CEP128: variants seen among roughly 807,000 people sequenced by gnomAD.
The protein encoded by CEP128 is centrosomal protein 128, also known as centrosomal protein 128kDa.
CEP128 carries 132 observed loss-of-function variants against 156.7 expected under a neutral mutation model. That is an observed-to-expected ratio of 0.84 (90% confidence interval 0.73 to 0.97). The LOEUF (loss-of-function observed/expected upper bound fraction) is 0.97. CEP128 is among the 50% of genes least tolerant of loss of function. CEP128 has a pLI of 0.00. For synonymous variants in CEP128, 469 were observed against 448.9 expected, an observed-to-expected ratio of 1.04 and a Z score of -0.57; for missense variants, 1,252 against 1,281.9, an observed-to-expected ratio of 0.98 and a Z score of 0.36.
chr14:80,853,911 G>C (rs747768308), intron 9 of CEP128, among the ~76,000 whole-genome samples: 2 of 151,758 alleles, frequency 1.3e-5, no homozygotes, highest in Non-Finnish European at 2.9e-5. Context: ...ATTCAAAAAT[G>C]ATGCTGAAGC....
At chr14:80,516,921 G>A (rs1888516855) in intron 23 of CEP128, among the ~76,000 whole-genome samples, 1 of 152,254 alleles carries the variant, frequency 6.6e-6, no homozygotes, top group South Asian at 2.1e-4. Context: ...GTGATTGCTC[G>A]CCTTAAGTTT....
rs533936862 is a variant in CEP128 at position 80,947,417 on chromosome 14, T to C, written c.-171-7877A>G. Among the ~76,000 whole-genome samples the C allele has an allele frequency of 2.0e-4, 31 of 152,226 alleles. No individual in the cohort carries two copies. The South Asian group carries it at 6.2e-3, about 31-fold the overall frequency. The stretch of plus-strand genomic sequence containing the variant: ...GCATTTTCTTCCTGGATTTTGCATA[T>C]TAAACACAAACATTCTCAGATAGGA... On this transcript the variant is annotated intron_variant, in intron 2 of 7. Coordinates refer to the CEP128 transcript ENST00000555529.
At chr14:80,711,798 T>C (rs986050995) in intron 19 of CEP128, among the ~76,000 whole-genome samples, 4 of 152,124 alleles carry the variant, frequency 2.6e-5, no homozygotes, top group African/African-American at 9.6e-5. Flanking sequence ...TATTATATGC[T>C]TGTATCAAAG....
chr14:80,489,945 T>C (rs1295085414), downstream of CEP128, among the ~76,000 whole-genome samples: 1 of 151,356 alleles, frequency 6.6e-6, no homozygotes, highest in Admixed American at 6.6e-5. Context: ...TCTCTGAGTA[T>C]GACGGAGTGA....
At chr14:80,768,985 ATTC>A (rs2139723422) in intron 16 of CEP128, among the ~76,000 whole-genome samples, 1 of 152,342 alleles carries the variant, frequency 6.6e-6, no homozygotes, top group South Asian at 2.1e-4. Context: ...ATTAAGTTTT[ATTC>A]TTATTACATA....
intron 19 of CEP128, among the ~76,000 whole-genome samples, chr14:80,597,216 G>A (rs1892369337): frequency 1.3e-5 from 2 of 152,036 alleles, no homozygotes; most frequent in Non-Finnish European, 1.5e-5. Context: ...ACAAGGGAGG[G>A]TGAAGAGAAA....
chr14:80,895,590 C>A, intron 8 of CEP128, 128 bp downstream of exon 8: 1 of 525,786 alleles, frequency 1.9e-6, no homozygotes, highest in South Asian at 4.0e-5. Context: ...GCTACAAGAA[C>A]ACACTTTTAG....
chr14:80,542,605 G>A (rs1161943576), intron 21 of CEP128, among the ~76,000 whole-genome samples: 11 of 152,164 alleles, frequency 7.2e-5, no homozygotes, highest in African/African-American at 2.7e-4. Flanking sequence ...AGGAGTGAGT[G>A]CTCTGAAGAG....
intron 19 of CEP128, among the ~76,000 whole-genome samples, chr14:80,604,448 C>T (rs185307492): frequency 8.5e-5 from 13 of 152,242 alleles, no homozygotes; most frequent in Admixed American, 5.2e-4. Flanking sequence ...CTCCTTAGTA[C>T]ATGCTTTATA....
chr14:80,596,660 A>C (rs1450824154), intron 19 of CEP128, among the ~76,000 whole-genome samples: 2 of 151,710 alleles, frequency 1.3e-5, no homozygotes, highest in East Asian at 3.9e-4. Context: ...ATTTGTAAAA[A>C]TGATTAGCTG....
chr14:80,695,410 C>T (rs8014754), intron 19 of CEP128, among the ~76,000 whole-genome samples: 127,560 of 152,044 alleles, frequency 0.84, 53,775 homozygotes, highest in East Asian at 0.98. Context: ...TTCCAAAGAG[C>T]CAAGATATGA....
In CEP128 at chr14:80,673,645, CAAAAAAAAAAAA is replaced by C. The variant is rs4016509; in HGVS notation, c.2806+69418_2806+69429del. ...TGGGCGACAGAGCGAGACTCCGTCTCAAAAAAAAAAAAAAAAAAAAAAAAAATGTACTAAAGC... is the reference window on the plus strand; with the variant it reads ...TGGGCGACAGAGCGAGACTCCGTCTCAAAAAAAAAAAAAATGTACTAAAGC... On this transcript the variant is annotated intron_variant, in intron 19 of 24. Transcript: ENST00000555265. Among the ~76,000 whole-genome samples, 29 of 43,964 alleles carry C rather than the reference CAAAAAAAAAAAA, an allele frequency of 6.6e-4. 2 individuals carry two copies. The highest frequency in any genetic ancestry group is 3.5e-3 in the East Asian group (4 of 1,150). 28.8% of individuals were successfully genotyped at this position (43,964 alleles called of 152,430 possible).
chr14:80,700,115 G>A (rs1436416054), intron 19 of CEP128, among the ~76,000 whole-genome samples: 6 of 152,196 alleles, frequency 3.9e-5, no homozygotes, highest in Middle Eastern at 3.4e-3. Context: ...ATACTATAAC[G>A]CTAGTGAAAG....
intron 13 of CEP128, among the ~76,000 whole-genome samples, chr14:80,806,271 A>T (rs892853466): frequency 6.6e-6 from 1 of 152,202 alleles, no homozygotes; most frequent in African/African-American, 2.4e-5. Context: ...CATGATACTA[A>T]ACTTAAGCAA....
At chr14:80,480,760 T>G (rs991943707) in intron 14 of CEP128, among the ~76,000 whole-genome samples, 6 of 152,242 alleles carry the variant, frequency 3.9e-5, no homozygotes, top group Admixed American at 2.6e-4. Flanking sequence ...AAATTTCTTC[T>G]GCCAGATATC....
chr14:80,786,518 C>T (rs997973792), intron 14 of CEP128, among the ~76,000 whole-genome samples: 3 of 152,122 alleles, frequency 2.0e-5, no homozygotes, highest in Admixed American at 1.3e-4. Context: ...TTCCCCAATC[C>T]TGCTCAGTTT....
intron 19 of CEP128, among the ~76,000 whole-genome samples, chr14:80,589,004 T>A (rs1181188565): frequency 6.6e-6 from 1 of 152,116 alleles, no homozygotes; most frequent in Non-Finnish European, 1.5e-5. Flanking sequence ...AGGTAGTTAA[T>A]CAGATATCTT....
At chr14:80,851,920 T>C (rs1298104200) in intron 9 of CEP128, among the ~76,000 whole-genome samples, 1 of 152,006 alleles carries the variant, frequency 6.6e-6, no homozygotes, top group Non-Finnish European at 1.5e-5. Context: ...AATTTAATTA[T>C]ACATAAGATA....
chr14:80,613,700 T>C (rs1412798579), intron 19 of CEP128, among the ~76,000 whole-genome samples: 2 of 152,174 alleles, frequency 1.3e-5, no homozygotes, highest in Non-Finnish European at 2.9e-5. Context: ...TCTCCCTATA[T>C]GTACATATGC....
Sources: gnomAD v4.1 joint callset for allele counts (sites outside exome capture counted in the v4.1 genomes callset) on GRCh38, gnomAD v4.1.1 for gene constraint, MANE v1.5 for transcripts, NCBI Gene and HGNC (gene_info 2026-07-23, HGNC 2026-07-21) for gene names.